The following CDH13 variants were observed in gnomAD, a reference collection of about 807,000 sequenced individuals.
The protein encoded by CDH13 is cadherin 13.
In CDH13, 24 loss-of-function variants were observed where a neutral mutation model predicts 63.8. That is an observed-to-expected ratio of 0.38 (90% confidence interval 0.27 to 0.53). The LOEUF is 0.53. Ranked by LOEUF, CDH13 falls within the 20% of genes least tolerant of loss-of-function variation. CDH13 has a pLI of 0.85. For missense variants in CDH13, 1,049 were observed against 903.1 expected (o/e 1.16, Z -2.07); for synonymous variants, 503 against 355.3 (o/e 1.42, Z -4.67).
chr16:83,006,214 A>G (rs1913476680), intron 2 of CDH13, among the ~76,000 whole-genome samples: 1 of 152,230 alleles, frequency 6.6e-6, no homozygotes, highest in Non-Finnish European at 1.5e-5. Context: ...TAAACAAAAA[A>G]GACCCAACAC....
intron 1 of CDH13, among the ~76,000 whole-genome samples, chr16:82,848,382 G>A (rs373006883): frequency 4.5e-4 from 69 of 152,264 alleles, no homozygotes; most frequent in African/African-American, 1.6e-3. Context: ...CAATTTGTAG[G>A]ATCAGCTTTC....
chr16:83,171,055 A>C, intron 4 of CDH13, among the ~76,000 whole-genome samples: 1 of 151,980 alleles, frequency 6.6e-6, no homozygotes, highest in East Asian at 1.9e-4. Flanking sequence ...GAAATACCTG[A>C]GACTGGGTAA....
chr16:82,767,377 A>C (rs1485897693), intron 1 of CDH13, among the ~76,000 whole-genome samples: 1 of 152,216 alleles, frequency 6.6e-6, no homozygotes, highest in Non-Finnish European at 1.5e-5. Context: ...CTAGAACTTG[A>C]TATAAATAGA....
At chr16:83,158,081 G>C (rs989891840) in intron 4 of CDH13, among the ~76,000 whole-genome samples, 12 of 152,062 alleles carry the variant, frequency 7.9e-5, no homozygotes, top group African/African-American at 2.7e-4. Flanking sequence ...CCTTTAGAAA[G>C]TGGGTTCCCT....
chr16:83,788,288 G>A (rs1054469058), intron 13 of CDH13, among the ~76,000 whole-genome samples: 3 of 152,144 alleles, frequency 2.0e-5, no homozygotes, highest in Non-Finnish European at 4.4e-5. Flanking sequence ...GAGCCGCTGT[G>A]CACCTGCTTG....
chr16:82,757,667 C>T lies in CDH13; in HGVS notation c.46-100695C>T, dbSNP rs535286813. On this transcript the variant is annotated intron_variant, in intron 1 of 13. Transcript: ENST00000567109. ...TTTTTGTTTTTTTTTTTTTTGGGGACAGAGTCTCTCTCTGTCTCCAGGCTG... is the reference window on the plus strand; with the variant it reads ...TTTTTGTTTTTTTTTTTTTTGGGGATAGAGTCTCTCTCTGTCTCCAGGCTG... Among the ~76,000 whole-genome samples, 39 of 87,602 alleles carry T rather than the reference C, an allele frequency of 4.5e-4. No homozygotes were observed. In the East Asian group the frequency reaches 0.01, roughly 23 times the overall value. 57.5% of individuals were successfully genotyped at this position (87,602 alleles called of 152,430 possible). A position where few individuals can be genotyped will look rare whatever the true frequency, so the allele number is the denominator to read the frequency against.
intron 2 of CDH13, among the ~76,000 whole-genome samples, chr16:82,976,499 T>A (rs1909527783): frequency 6.6e-6 from 1 of 152,186 alleles, no homozygotes; most frequent in Non-Finnish European, 1.5e-5. Flanking sequence ...CATCATAGAT[T>A]AAAATAATAA....
chr16:82,909,383 ATAC>A (rs1374581979), intron 2 of CDH13, among the ~76,000 whole-genome samples: 1 of 152,108 alleles, frequency 6.6e-6, no homozygotes, highest in South Asian at 2.1e-4. Context: ...TATAACAGGA[ATAC>A]TACTATATGA....
At chr16:83,479,161 T>C (rs2073692616) in intron 6 of CDH13, among the ~76,000 whole-genome samples, 1 of 152,236 alleles carries the variant, frequency 6.6e-6, no homozygotes, top group South Asian at 2.1e-4. Context: ...CAGAAGTATC[T>C]AGGCTTGTCT....
chr16:83,170,806 A>T (rs9921130), intron 4 of CDH13, among the ~76,000 whole-genome samples: 2,490 of 152,224 alleles, frequency 0.016, 81 homozygotes, highest in African/African-American at 0.056. Context: ...AGGCATGTGC[A>T]TGTTTCCTGA....
intron 2 of CDH13, among the ~76,000 whole-genome samples, chr16:82,987,210 C>T (rs1034462846): frequency 5.3e-5 from 8 of 152,172 alleles, no homozygotes; most frequent in Non-Finnish European, 1.0e-4. Flanking sequence ...TCCCTGTCTT[C>T]TTTGGTTCTT....
rs546594251 is a variant in CDH13 at position 83,035,562 on chromosome 16, T to C, written c.366+3344T>C. On this transcript the variant is annotated intron_variant, in intron 3 of 13. Coordinates refer to ENST00000567109, the MANE Select transcript of CDH13 (RefSeq NM_001257.5). The stretch of plus-strand genomic sequence containing the variant: ...AGAGCCAAGTGACATTTCCAAGGTC[T>C]AAAAATGAATAACAAGCTGGATGGA... Among the ~76,000 whole-genome samples, 9 of 152,276 alleles carry C rather than the reference T, an allele frequency of 5.9e-5. No homozygotes were observed. In the South Asian group the frequency reaches 1.2e-3, roughly 21 times the overall value.
At chr16:83,767,536 C>A (rs938604074) in intron 11 of CDH13, among the ~76,000 whole-genome samples, 2 of 152,094 alleles carry the variant, frequency 1.3e-5, no homozygotes, top group African/African-American at 4.8e-5. Flanking sequence ...TCTTTATTAG[C>A]AGTATGAGGA....
At chr16:82,753,445 A>G (rs996213096) in intron 1 of CDH13, among the ~76,000 whole-genome samples, 2 of 152,112 alleles carry the variant, frequency 1.3e-5, no homozygotes, top group African/African-American at 4.8e-5. Context: ...CTCTATAATG[A>G]CAACTCCTAA....
intron 1 of CDH13, among the ~76,000 whole-genome samples, chr16:82,740,381 C>G (rs2033874202): frequency 6.6e-6 from 1 of 152,194 alleles, no homozygotes; most frequent in African/African-American, 2.4e-5. Flanking sequence ...ATCCCACTTT[C>G]CAGATAATGT....
intron 4 of CDH13, among the ~76,000 whole-genome samples, chr16:83,176,503 C>G (rs553149503): frequency 8.5e-6 from 1 of 117,454 alleles, no homozygotes; most frequent in African/African-American, 4.1e-5. Context: ...GAGCAAGAAT[C>G]CAGCTAGAGA....
chr16:82,888,173 A>G (rs979807883), intron 2 of CDH13, among the ~76,000 whole-genome samples: 3 of 152,222 alleles, frequency 2.0e-5, no homozygotes, highest in African/African-American at 7.2e-5. Flanking sequence ...CATAGTGTGT[A>G]GGTGCTACCG....
chr16:83,203,982 G>A (rs1474384160), intron 4 of CDH13, among the ~76,000 whole-genome samples: 3 of 152,220 alleles, frequency 2.0e-5, no homozygotes, highest in African/African-American at 4.8e-5. Flanking sequence ...AGAGTTTGAT[G>A]TACAGAGGAA....
At chr16:83,071,670 C>T (rs11864522) in intron 3 of CDH13, among the ~76,000 whole-genome samples, 1 of 152,076 alleles carries the variant, frequency 6.6e-6, no homozygotes, top group African/African-American at 2.4e-5. Context: ...ATAGTTGTTT[C>T]AAGTCATAAA....
Sources: allele counts gnomAD v4.1 joint callset (sites outside exome capture counted in the v4.1 genomes callset), GRCh38; gene constraint gnomAD v4.1.1; transcripts MANE v1.5; gene names NCBI Gene and HGNC (gene_info 2026-07-23, HGNC 2026-07-21).